Variants in GPHN observed in about 807,000 individuals in gnomAD.
GPHN encodes gephyrin.
GPHN carries 17 observed loss-of-function variants against 95.5 expected under a neutral mutation model. The ratio of observed to expected loss-of-function variants is 0.18; its 90% CI spans 0.12 to 0.27. The LOEUF (loss-of-function observed/expected upper bound fraction) is 0.27, where lower values mean the gene tolerates loss of function less well. GPHN is among the 10% of genes least tolerant of loss of function. The pLI is 1.00. For missense variants in GPHN, 660 were observed against 978.1 expected, an observed-to-expected ratio of 0.67 and a Z score of 4.34; for synonymous variants, 320 against 322.5, an observed-to-expected ratio of 0.99 and a Z score of 0.08.
chr14:67,380,054 A>G, the GPHN span, among the ~76,000 whole-genome samples: 1 of 152,182 alleles, frequency 6.6e-6, no homozygotes, highest in Non-Finnish European at 1.5e-5. Flanking sequence ...ACTGGTGCCC[A>G]GCCTTATGTA....
intron 1 of GPHN, among the ~76,000 whole-genome samples, chr14:66,524,644 C>T (rs755895837): frequency 9.9e-5 from 15 of 152,176 alleles, no homozygotes; most frequent in East Asian, 3.9e-4. Flanking sequence ...CTATCCCTCC[C>T]GCAGCCCCCC....
the GPHN span, chr14:67,657,212 AC>A: frequency 2.0e-5 from 3 of 152,124 alleles, no homozygotes; most frequent in African/African-American, 7.2e-5. Context: ...TGCCTAGATG[AC>A]TACATTCTTC....
chr14:66,580,516 T>C (rs2061112630), intron 1 of GPHN, among the ~76,000 whole-genome samples: 1 of 151,698 alleles, frequency 6.6e-6, no homozygotes, highest in Non-Finnish European at 1.5e-5. Context: ...ACATTACATC[T>C]TATATCACTG....
At chr14:67,173,081 G>T (rs2082691675) in intron 21 of GPHN, among the ~76,000 whole-genome samples, 1 of 152,192 alleles carries the variant, frequency 6.6e-6, no homozygotes, top group Non-Finnish European at 1.5e-5. Flanking sequence ...AAGCTGCTAA[G>T]GGGTACCCAA....
chr14:67,162,747 A>G (rs1222537867), intron 19 of GPHN, among the ~76,000 whole-genome samples: 3 of 152,246 alleles, frequency 2.0e-5, no homozygotes, highest in African/African-American at 7.2e-5. Flanking sequence ...GAAAAGCCTC[A>G]GAGTAGCCAA....
At chr14:67,360,116 G>C in the GPHN span, 1 of 421,514 alleles carries the variant, frequency 2.4e-6, no homozygotes, top group Non-Finnish European at 4.2e-6. Context: ...CTTTGAAAGA[G>C]GATTCATTCT....
chr14:67,382,928 T>TG, the GPHN span, among the ~76,000 whole-genome samples: 4 of 151,898 alleles, frequency 2.6e-5, no homozygotes, highest in South Asian at 6.3e-4. Context: ...TGTGTGTGTG[T>TG]TATGGTTCCT....
intron 17 of GPHN, among the ~76,000 whole-genome samples, chr14:67,124,892 T>C (rs148886960): frequency 7.5e-4 from 114 of 152,224 alleles, no homozygotes; most frequent in South Asian, 6.4e-3. Context: ...CAAAACATCA[T>C]TGAAAGGCCA....
chr14:66,538,026 C>G (rs2059204538), intron 1 of GPHN, among the ~76,000 whole-genome samples: 1 of 152,094 alleles, frequency 6.6e-6, no homozygotes, highest in African/African-American at 2.4e-5. Flanking sequence ...GAGATGGGGT[C>G]TCACTATGTT....
chr14:66,568,085 TA>T (rs1333407207), intron 1 of GPHN, among the ~76,000 whole-genome samples: 3 of 152,296 alleles, frequency 2.0e-5, no homozygotes, highest in South Asian at 2.1e-4. Context: ...AATGCACTGT[TA>T]AAAAATAGGA....
At chr14:67,662,010 G>T in the GPHN span, among the ~76,000 whole-genome samples, 1 of 152,000 alleles carries the variant, frequency 6.6e-6, no homozygotes, top group Admixed American at 6.6e-5. Context: ...CAAAAAAACA[G>T]CCAGGTGTGG....
the GPHN span, chr14:67,724,400 T>G: frequency 1.1e-5 from 12 of 1,043,828 alleles, no homozygotes; most frequent in African/African-American, 3.2e-5. Flanking sequence ...GAGTTTTTTT[T>G]TTTTTTTTTA....
rs956809692 is a variant in GPHN, at chr14:66,628,523, A to G, written c.65-52584A>G. Among the ~76,000 whole-genome samples the G allele has an allele frequency of 2.0e-5, 3 of 152,140 alleles. 1 individual carries two copies. Among genetic ancestry groups the G allele is most frequent in the African/African-American group, 7.2e-5 (3 of 41,438 alleles). On this transcript the variant is annotated intron_variant, in intron 1 of 22. Coordinates refer to ENST00000478722, the MANE Select transcript of GPHN (RefSeq NM_020806.5). ...GATATAAGGCACTTACCATGAATGG[A>G]GCTTGCAGGACTGGAGGTTGCTTCG...
intron 4 of GPHN, among the ~76,000 whole-genome samples, chr14:66,838,636 A>T (rs1269225926): frequency 6.6e-6 from 1 of 152,156 alleles, no homozygotes. Context: ...TATTTTGCAG[A>T]TATATTAGTA....
At chr14:67,046,233 A>G (rs531413771) in intron 10 of GPHN, among the ~76,000 whole-genome samples, 65 of 152,284 alleles carry the variant, frequency 4.3e-4, no homozygotes, top group East Asian at 1.2e-3. Flanking sequence ...GAGCTCTTCA[A>G]TCTTGTTCCA....
At chr14:66,651,097 G>A (rs1427682649) in intron 1 of GPHN, among the ~76,000 whole-genome samples, 1 of 152,148 alleles carries the variant, frequency 6.6e-6, no homozygotes, top group Non-Finnish European at 1.5e-5. Context: ...TTTTCTAAAG[G>A]TAGATCACTG....
At chr14:66,694,422 G>A (rs2067989491) in intron 2 of GPHN, among the ~76,000 whole-genome samples, 1 of 152,174 alleles carries the variant, frequency 6.6e-6, no homozygotes, top group Admixed American at 6.5e-5. Context: ...TTAAGACAAT[G>A]TTCAACTGGT....
chr14:67,426,857 G>A, the GPHN span, among the ~76,000 whole-genome samples: 422 of 152,344 alleles, frequency 2.8e-3, 3 homozygotes, highest in African/African-American at 9.8e-3. Flanking sequence ...TTACAGGCGT[G>A]AGCCACGGTG....
At chr14:66,683,692 C>T (rs181701571) in intron 2 of GPHN, among the ~76,000 whole-genome samples, 2 of 150,484 alleles carry the variant, frequency 1.3e-5, no homozygotes, top group Admixed American at 1.3e-4. Flanking sequence ...ACAAAAATCT[C>T]TTCGGCCAGG....
Sources: gnomAD v4.1 joint callset for allele counts (sites outside exome capture counted in the v4.1 genomes callset) on GRCh38, gnomAD v4.1.1 for gene constraint, MANE v1.5 for transcripts, NCBI Gene and HGNC (gene_info 2026-07-23, HGNC 2026-07-21) for gene names.